The following PTPRD variants were observed in gnomAD, a reference collection of about 807,000 sequenced individuals.
The protein encoded by PTPRD is receptor-type tyrosine-protein phosphatase delta.
PTPRD carries 34 observed loss-of-function variants against 214.5 expected under a neutral mutation model. The observed-to-expected ratio is 0.16, with a 90% CI of 0.12 to 0.21. The LOEUF is 0.21. Ranked by LOEUF, PTPRD falls within the 10% of genes least tolerant of loss-of-function variation. The pLI, the probability that PTPRD is intolerant of heterozygous loss-of-function variation, is 1.00. For synonymous variants in PTPRD, 1,128 were observed against 845.7 expected (o/e 1.33, Z -5.79); for missense variants, 2,545 against 2,398.7 (o/e 1.06, Z -1.27).
At chr9:9,014,893 T>C (rs1289384390) in intron 11 of PTPRD, among the ~76,000 whole-genome samples, 1 of 152,158 alleles carries the variant, frequency 6.6e-6, no homozygotes, top group East Asian at 1.9e-4. Flanking sequence ...ACAATATTTA[T>C]TTCATTGAAA....
In PTPRD at chr9:8,317,679, G is replaced by GT. The variant is rs1822895901; in HGVS notation, c.*194_*195insA. ...TCAGGATTCTCTTCATTATTTTTCA[G>GT]GTTAGATTATTAAACTGTGAATTCT... On this transcript the variant is annotated 3_prime_UTR_variant, in exon 46 of 46. Transcript: ENST00000381196. The GT allele has an allele frequency of 4.4e-6, 2 of 458,200 alleles. No individual in the cohort carries two copies. The highest frequency in any genetic ancestry group is 1.2e-3 in the Middle Eastern group (2 of 1,646). The allele number at this position is 458,200 out of a possible 1,614,324, so 28.4% of individuals were successfully genotyped here. A position where few individuals can be genotyped will look rare whatever the true frequency, so the allele number is the denominator to read the frequency against.
At chr9:9,837,993 C>T (rs2057288521) in intron 5 of PTPRD, among the ~76,000 whole-genome samples, 1 of 152,094 alleles carries the variant, frequency 6.6e-6, no homozygotes, top group African/African-American at 2.4e-5. Context: ...TGCTCAATTC[C>T]CACCAATGAG....
At chr9:9,077,154 GTT>G (rs71317399) in intron 10 of PTPRD, among the ~76,000 whole-genome samples, 69 of 144,684 alleles carry the variant, frequency 4.8e-4, no homozygotes, top group East Asian at 1.0e-3. Context: ...CAGATTATTA[GTT>G]TTTTTTTTTT....
chr9:9,590,423 T>C lies in PTPRD; in HGVS notation c.-286-15642A>G, dbSNP rs527581024. Among the ~76,000 whole-genome samples the C allele has an allele frequency of 2.4e-4, 36 of 152,170 alleles. No homozygotes were observed. In the South Asian group the frequency reaches 7.2e-3, roughly 31 times the overall value. On this transcript the variant is annotated intron_variant, in intron 7 of 45. Transcript: ENST00000381196. ...CCTTGAAAATGAAGGTTAGAAACAC[T>C]GCTTACACTATGATCCCCAATTTTA...
At chr9:8,963,950 G>A (rs989792256) in intron 11 of PTPRD, among the ~76,000 whole-genome samples, 1 of 151,968 alleles carries the variant, frequency 6.6e-6, no homozygotes, top group African/African-American at 2.4e-5. Flanking sequence ...AGTTTGGTTT[G>A]CTTGTATTTT....
chr9:8,918,344 A>G (rs886526616), intron 11 of PTPRD, among the ~76,000 whole-genome samples: 2 of 152,210 alleles, frequency 1.3e-5, no homozygotes, highest in African/African-American at 4.8e-5. Flanking sequence ...CAAGACTGGA[A>G]GTACACAATG....
chr9:8,394,594 C>G (rs1472315355), intron 36 of PTPRD, among the ~76,000 whole-genome samples: 1 of 152,088 alleles, frequency 6.6e-6, no homozygotes, highest in Non-Finnish European at 1.5e-5. Context: ...ATTTGCTAAA[C>G]AAGATGTGTT....
At chr9:8,996,508 G>C (rs2099397328) in intron 11 of PTPRD, among the ~76,000 whole-genome samples, 1 of 152,060 alleles carries the variant, frequency 6.6e-6, no homozygotes, top group Non-Finnish European at 1.5e-5. Context: ...GAAGGGATCT[G>C]TGGGGTGCCT....
At chr9:10,231,098 C>A (rs1207313114) in intron 3 of PTPRD, among the ~76,000 whole-genome samples, 2 of 151,872 alleles carry the variant, frequency 1.3e-5, no homozygotes, top group Admixed American at 1.3e-4. Flanking sequence ...CTTCAAAAGC[C>A]AAATCTGGTA....
chr9:9,822,492 C>T (rs910773900), intron 5 of PTPRD, among the ~76,000 whole-genome samples: 1 of 147,356 alleles, frequency 6.8e-6, no homozygotes, highest in East Asian at 2.0e-4. Context: ...ATATACAGAA[C>T]ATATAATATA....
intron 3 of PTPRD, among the ~76,000 whole-genome samples, chr9:10,314,436 G>T (rs1277512681): frequency 3.3e-5 from 5 of 152,036 alleles, no homozygotes; most frequent in African/African-American, 1.2e-4. Context: ...GCAGGAACAA[G>T]TAAACAAATA....
intron 3 of PTPRD, among the ~76,000 whole-genome samples, chr9:10,094,967 C>T (rs112972246): frequency 6.6e-6 from 1 of 151,480 alleles, no homozygotes; most frequent in East Asian, 2.0e-4. Context: ...TTAAAATGTC[C>T]TATATGCTGT....
rs79228207 is a variant in PTPRD at position 9,922,849 on chromosome 9, G to C, written c.-368+15658C>G. On this transcript the variant is annotated intron_variant, in intron 5 of 45. Transcript: ENST00000381196. ...TTTCCAGATTGAAGGGGACTGAAGA[G>C]ATATGACAACTAATTGCAATACATG... 2.6e-5 allele frequency among the ~76,000 whole-genome samples: 4 copies of C among 151,994 alleles called. No individual in the cohort carries two copies. The East Asian group carries it at 7.7e-4, about 29-fold the overall frequency.
chr9:8,469,814 C>T (rs1053479472), intron 31 of PTPRD, among the ~76,000 whole-genome samples: 3 of 152,020 alleles, frequency 2.0e-5, no homozygotes, highest in Admixed American at 6.6e-5. Context: ...CGTCTGAACA[C>T]GATCAAATTT....
chr9:9,342,012 T>C (rs1410232233), intron 9 of PTPRD, among the ~76,000 whole-genome samples: 1 of 152,090 alleles, frequency 6.6e-6, no homozygotes. Context: ...TTTTGCCATA[T>C]TGGTCAGGAT....
chr9:10,445,361 A>G (rs748424243), intron 2 of PTPRD, among the ~76,000 whole-genome samples: 13 of 152,090 alleles, frequency 8.5e-5, no homozygotes, highest in Non-Finnish European at 1.9e-4. Flanking sequence ...AGGCAGGTAC[A>G]GAGAGAAGCT....
At chr9:10,480,981 C>G (rs749314428) in intron 2 of PTPRD, among the ~76,000 whole-genome samples, 1 of 151,756 alleles carries the variant, frequency 6.6e-6, no homozygotes, top group Non-Finnish European at 1.5e-5. Context: ...TCCAGTGACT[C>G]AAGTCGAGTC....
At chr9:9,622,451 T>C (rs769106302) in intron 7 of PTPRD, among the ~76,000 whole-genome samples, 3 of 152,192 alleles carry the variant, frequency 2.0e-5, no homozygotes, top group Admixed American at 6.5e-5. Flanking sequence ...ATTTTTATCA[T>C]TTACGTATTG....
At chr9:10,473,673 C>G (rs1321810911) in intron 2 of PTPRD, among the ~76,000 whole-genome samples, 1 of 151,844 alleles carries the variant, frequency 6.6e-6, no homozygotes, top group Non-Finnish European at 1.5e-5. Context: ...TTTGCAAATC[C>G]CACCACTCCT....
Sources: gnomAD v4.1 joint callset for allele counts (sites outside exome capture counted in the v4.1 genomes callset) on GRCh38, gnomAD v4.1.1 for gene constraint, MANE v1.5 for transcripts, NCBI Gene and HGNC (gene_info 2026-07-23, HGNC 2026-07-21) for gene names.